DNAH7: variants seen among roughly 807,000 people sequenced by gnomAD.
The protein encoded by DNAH7 is axonemal beta dynein heavy chain 7.
DNAH7 carries 397 observed loss-of-function variants against 444.6 expected under a neutral mutation model. The ratio of observed to expected loss-of-function variants is 0.89; its 90% CI spans 0.82 to 0.97. DNAH7 has a LOEUF of 0.97. Among genes scored for constraint, DNAH7 ranks in the 50% least tolerant of loss-of-function variants. The probability of loss-of-function intolerance (pLI) is 0.00; values close to 1 mark genes in which losing one functional copy is unlikely to be tolerated. For missense variants in DNAH7, 4,902 were observed against 4,800.8 expected (o/e 1.02, Z -0.62); for synonymous variants, 1,636 against 1,624.4 (o/e 1.01, Z -0.17).
intron 3 of DNAH7, among the ~76,000 whole-genome samples, chr2:196,049,889 T>G (rs1697360780): frequency 6.6e-6 from 1 of 152,244 alleles, no homozygotes; most frequent in South Asian, 2.1e-4. Context: ...GTCTATTCCA[T>G]TTCAGTTTTT....
chr2:195,838,136 T>C (rs944264532), intron 47 of DNAH7, among the ~76,000 whole-genome samples: 1 of 152,084 alleles, frequency 6.6e-6, no homozygotes, highest in Non-Finnish European at 1.5e-5. Context: ...AACAGTATAG[T>C]GAAGGCTTAC....
intron 48 of DNAH7, among the ~76,000 whole-genome samples, chr2:195,826,931 C>G (rs1175827395): frequency 6.6e-6 from 1 of 152,042 alleles, no homozygotes; most frequent in Non-Finnish European, 1.5e-5. Flanking sequence ...CATCCACATT[C>G]CAACCATTAG....
intron 34 of DNAH7, 24 bp downstream of exon 34, chr2:195,886,117 G>C (rs1456293940): frequency 6.2e-7 from 1 of 1,602,714 alleles, no homozygotes; most frequent in South Asian, 1.1e-5. Flanking sequence ...TCTGTAGCAG[G>C]ATACAGAAGG....
rs534464201 is a variant in DNAH7 at position 195,738,260 on chromosome 2, C to G, written c.11869-133G>C. ...TGTGGCCCAAATTTATTTTCACCAG[C>G]AGTGTTGTTGTGATTGCTCAAAACA... On this transcript the variant is annotated intron_variant, in intron 64 of 64. Transcript: ENST00000312428. 31 of 748,812 alleles carry G rather than the reference C, an allele frequency of 4.1e-5. No homozygotes were observed. In the South Asian group the frequency reaches 4.9e-4, roughly 12 times the overall value. The allele number at this position is 748,812 out of a possible 1,614,324, so 46.4% of individuals were successfully genotyped here.
At chr2:196,006,659 C>T (rs1694394136) in intron 10 of DNAH7, among the ~76,000 whole-genome samples, 1 of 150,996 alleles carries the variant, frequency 6.6e-6, no homozygotes, top group East Asian at 1.9e-4. Context: ...ATAAAGAATC[C>T]ACACGCAAAA....
intron 57 of DNAH7, among the ~76,000 whole-genome samples, chr2:195,793,470 T>C (rs558339201): frequency 6.6e-6 from 1 of 152,282 alleles, no homozygotes; most frequent in East Asian, 1.9e-4. Flanking sequence ...AGGCTCTGTC[T>C]AGTCCATCAT....
chr2:195,820,234 G>A (rs1012160832), intron 49 of DNAH7, among the ~76,000 whole-genome samples: 1 of 151,992 alleles, frequency 6.6e-6, no homozygotes. Flanking sequence ...TCGTAAGTGG[G>A]AGTTGAACAA....
At chr2:195,866,867 G>A (rs1020641360) in intron 40 of DNAH7, among the ~76,000 whole-genome samples, 3 of 152,156 alleles carry the variant, frequency 2.0e-5, no homozygotes, top group South Asian at 2.1e-4. Flanking sequence ...GAATCATGGG[G>A]TGGGTCTTTC....
At chr2:196,019,342 T>C (rs1422516065) in intron 8 of DNAH7, 47 bp from the exon 9 acceptor site, 9 of 1,395,150 alleles carry the variant, frequency 6.5e-6, no homozygotes, top group Non-Finnish European at 7.6e-6. Context: ...AAAAGTATTT[T>C]TATAGTAACT....
rs563812193 is a variant in DNAH7 at position 195,848,329 on chromosome 2, T to C, written c.8782-3164A>G. 1.3e-4 allele frequency among the ~76,000 whole-genome samples: 20 copies of C among 152,390 alleles called. No homozygotes were observed. In the South Asian group the frequency reaches 4.1e-3, roughly 32 times the overall value. On this transcript the variant is annotated intron_variant, in intron 46 of 64. Transcript: ENST00000312428. ...CTGTATGGTGTTCCATCATGATTCC[T>C]GGCACCATGCCAGGTTATGCATCTT...
intron 17 of DNAH7, among the ~76,000 whole-genome samples, chr2:195,967,613 T>C (rs1038532331): frequency 2.0e-5 from 3 of 151,864 alleles, no homozygotes; most frequent in Non-Finnish European, 2.9e-5. Flanking sequence ...GGTATTTTCA[T>C]GATATACTAT....
At position 195,737,902 on chromosome 2, in the gene DNAH7, A is replaced by G; in HGVS notation, c.*19T>C. 2 of 1,610,628 alleles carry G rather than the reference A, an allele frequency of 1.2e-6. No individual in the cohort carries two copies. The highest frequency in any genetic ancestry group is 1.7e-6 in the Non-Finnish European group (2 of 1,177,048). On this transcript the variant is annotated 3_prime_UTR_variant, in exon 65 of 65. Transcript: ENST00000312428. ...AGCCAGCCAACAAGAAATAGGAACA[A>G]GGAAATGATGTCTTCTGGTTATGAA...
chr2:196,048,408 A>C lies in DNAH7; in HGVS notation c.142-4T>G, dbSNP rs746162878. 5.0e-6 allele frequency: 8 copies of C among 1,610,222 alleles called. No individual in the cohort carries two copies. The highest frequency in any genetic ancestry group is 6.8e-6 in the Non-Finnish European group (8 of 1,178,672). On this transcript the variant is annotated splice_polypyrimidine_tract_variant and splice_region_variant and intron_variant, in intron 3 of 64. Transcript: ENST00000312428. ...GCCAGTGGGGCTTTGTACTCACCTA[A>C]AATACAAAATTTAAATAGCATTAAC...
At chr2:195,915,759 T>G (rs951121073) in intron 24 of DNAH7, among the ~76,000 whole-genome samples, 1 of 152,140 alleles carries the variant, frequency 6.6e-6, no homozygotes, top group Non-Finnish European at 1.5e-5. Context: ...GATCCACTAT[T>G]TTTTCTCTTG....
At position 195,738,109 on chromosome 2, in the gene DNAH7, T is replaced by C. The variant is rs1387656943; in HGVS notation, c.11887A>G (p.Lys3963Glu). The change falls in exon 65 of 65, where the codon AAG becomes GAG. Residue 3963 changes from lysine to glutamate, a missense_variant. Transcript: ENST00000312428. ...GGCCGTTTTGGTATATCTGCCCTCT[T>C]ACAGGGCTTTAGCCACATCTGGAAG... ...TVPVMWLKPC[K>E]RADIPKRPSY... 6.2e-7 allele frequency: 1 copy of C among 1,613,678 alleles called. No individual in the cohort carries two copies. The highest frequency in any genetic ancestry group is 1.3e-5 in the African/African-American group (1 of 74,926).
At chr2:196,008,767 C>T (rs1463282603) in intron 10 of DNAH7, among the ~76,000 whole-genome samples, 2 of 152,116 alleles carry the variant, frequency 1.3e-5, no homozygotes, top group African/African-American at 4.8e-5. Context: ...TACCAGGCAC[C>T]TCTGGGTGGA....
intron 15 of DNAH7, among the ~76,000 whole-genome samples, chr2:195,976,948 A>G (rs1179663867): frequency 5.3e-5 from 8 of 152,198 alleles, no homozygotes; most frequent in African/African-American, 1.7e-4. Context: ...CTTAATGCAG[A>G]CACAGAAGAA....
intron 19 of DNAH7, among the ~76,000 whole-genome samples, chr2:195,940,777 A>G (rs993806763): frequency 7.2e-5 from 11 of 152,224 alleles, no homozygotes; most frequent in African/African-American, 2.7e-4. Context: ...AAAAAAGCTC[A>G]TCATCACTTG....
chr2:195,737,961 A>G lies in DNAH7; in HGVS notation c.12035T>C (p.Ile4012Thr), dbSNP rs1249246965. 1 of 1,614,070 alleles carries G rather than the reference A, an allele frequency of 6.2e-7. No individual in the cohort carries two copies. The part of the protein sequence containing the change: ...LPSDQPKEHW[I>T]GRGVALLCQL... ...ACATAACAGTGCTACACCTCGTCCA[A>G]TCCAGTGTTCCTTGGGTTGGTCAGA... Residue 4012 changes from isoleucine (I) to threonine (T), a missense_variant, in exon 65 of 65, where the codon ATT (isoleucine) becomes ACT (threonine). Physicochemically the swap from Ile to Thr is moderately conservative, Grantham distance 89. Coordinates refer to ENST00000312428, the MANE Select transcript of DNAH7 (RefSeq NM_018897.3).
Sources: allele counts gnomAD v4.1 joint callset (sites outside exome capture counted in the v4.1 genomes callset), GRCh38; gene constraint gnomAD v4.1.1; transcripts MANE v1.5; gene names NCBI Gene and HGNC (gene_info 2026-07-23, HGNC 2026-07-21).